The following DCAF6 variants were observed in gnomAD, a reference collection of about 807,000 sequenced individuals.
DCAF6 encodes DDB1 and CUL4 associated factor 6.
Under a neutral mutation model 125.1 loss-of-function variants are expected in DCAF6, and 54 were observed. The observed-to-expected ratio is 0.43, with a 90% confidence interval of 0.35 to 0.54. The LOEUF is 0.54. Among genes scored for constraint, DCAF6 ranks in the 20% least tolerant of loss-of-function variants. DCAF6 has a pLI of 0.01. For synonymous variants in DCAF6, 371 were observed against 390.4 expected (o/e 0.95, Z 0.58); for missense variants, 934 against 1,161.7 (o/e 0.80, Z 2.85).
intron 11 of DCAF6, among the ~76,000 whole-genome samples, chr1:168,016,742 T>G (rs1685026636): frequency 6.6e-6 from 1 of 152,094 alleles, no homozygotes; most frequent in Non-Finnish European, 1.5e-5. Context: ...ATAGATACTG[T>G]AAATCCTATA....
At chr1:167,863,742 C>T in the DCAF6 span, among the ~76,000 whole-genome samples, 15 of 152,180 alleles carry the variant, frequency 9.9e-5, no homozygotes, top group Non-Finnish European at 2.2e-4. Flanking sequence ...TGGGACACCT[C>T]GCCAGAGCAG....
chr1:167,867,300 C>T, the DCAF6 span, among the ~76,000 whole-genome samples: 1 of 152,236 alleles, frequency 6.6e-6, no homozygotes, highest in East Asian at 1.9e-4. Flanking sequence ...CAGTCACACC[C>T]GGAAGCTGAC....
chr1:167,938,952 G>A (rs1671797539), intron 1 of DCAF6, among the ~76,000 whole-genome samples: 1 of 152,134 alleles, frequency 6.6e-6, no homozygotes, highest in Non-Finnish European at 1.5e-5. Context: ...AAATGTGTAT[G>A]TATACATACA....
intron 1 of DCAF6, among the ~76,000 whole-genome samples, chr1:167,942,866 G>A (rs1668978835): frequency 6.6e-6 from 1 of 151,968 alleles, no homozygotes; most frequent in Admixed American, 6.6e-5. Context: ...CTAGCTTCAT[G>A]TCTTTATACC....
rs914838876 is a variant in DCAF6, at chr1:168,039,587, T to C, written c.1727+1099T>C. Among the ~76,000 whole-genome samples, 3 of 148,156 alleles carry C rather than the reference T, an allele frequency of 2.0e-5. No individual in the cohort carries two copies. In the Admixed American group the frequency reaches 2.0e-4, roughly 10 times the overall value. ...AATATATTGATATAGTATTTCTTAA[T>C]ATATAATATAGTTGTATAATATTTG... On this transcript the variant is annotated intron_variant, in intron 13 of 21. Transcript: ENST00000367840.
chr1:167,967,737 T>G (rs1174814462), intron 3 of DCAF6, among the ~76,000 whole-genome samples: 2 of 143,576 alleles, frequency 1.4e-5, no homozygotes, highest in Non-Finnish European at 3.0e-5. Context: ...TTTTTTTTTT[T>G]TTTGTGGCAA....
At chr1:167,929,172 A>G in the DCAF6 span, among the ~76,000 whole-genome samples, 4 of 152,012 alleles carry the variant, frequency 2.6e-5, no homozygotes, top group Non-Finnish European at 4.4e-5. Flanking sequence ...TAGCCTGACC[A>G]ACATGGAGAA....
chr1:167,973,853 A>T (rs1278887360), intron 3 of DCAF6, among the ~76,000 whole-genome samples: 1 of 152,120 alleles, frequency 6.6e-6, no homozygotes, highest in African/African-American at 2.4e-5. Context: ...ATAATCTTTG[A>T]CATTTTTTTT....
At chr1:167,907,185 C>T in the DCAF6 span, among the ~76,000 whole-genome samples, 1 of 152,156 alleles carries the variant, frequency 6.6e-6, no homozygotes, top group South Asian at 2.1e-4. Flanking sequence ...AAGAGATGGG[C>T]TGGAATACCA....
the DCAF6 span, chr1:167,903,802 G>T: frequency 2.1e-6 from 2 of 968,790 alleles, no homozygotes; most frequent in South Asian, 1.3e-5. Context: ...CTAAGCAATT[G>T]TACTCTATCA....
intron 1 of DCAF6, among the ~76,000 whole-genome samples, chr1:167,943,907 C>T (rs1299274581): frequency 4.0e-5 from 6 of 150,874 alleles, no homozygotes; most frequent in African/African-American, 4.9e-5. Context: ...GGTGAGATCT[C>T]GGCTTACTGC....
intron 2 of DCAF6, among the ~76,000 whole-genome samples, 184 bp from the exon 3 acceptor site, chr1:167,966,445 G>C (rs12095271): frequency 0.14 from 21,124 of 152,036 alleles, 1,954 homozygotes; most frequent in African/African-American, 0.26. Context: ...ATGTGTGGCC[G>C]GAGACAATTC....
At chr1:168,049,939 G>A (rs1689682568) in intron 16 of DCAF6, among the ~76,000 whole-genome samples, 10 of 151,124 alleles carry the variant, frequency 6.6e-5, no homozygotes, top group Admixed American at 5.3e-4. Context: ...ACCGGCATGA[G>A]CCACCGCACC....
chr1:167,995,495 C>T (rs1445513619), intron 7 of DCAF6, among the ~76,000 whole-genome samples: 1 of 152,030 alleles, frequency 6.6e-6, no homozygotes, highest in Non-Finnish European at 1.5e-5. Flanking sequence ...ACCTGGCCAA[C>T]ATGGTGAAAC....
chr1:168,001,385 T>A (rs959136187), intron 7 of DCAF6, among the ~76,000 whole-genome samples: 5 of 152,196 alleles, frequency 3.3e-5, no homozygotes, highest in African/African-American at 1.2e-4. Context: ...AGATGCTGTT[T>A]GAGTTGGCAA....
At chr1:167,966,529 C>T in intron 2 of DCAF6, 100 bp from the exon 3 acceptor site, 1 of 768,672 alleles carries the variant, frequency 1.3e-6, no homozygotes, top group Non-Finnish European at 2.3e-6. Context: ...AACGTATAAC[C>T]TCATTAGTGG....
At chr1:167,892,108 G>T in the DCAF6 span, among the ~76,000 whole-genome samples, 16 of 151,750 alleles carry the variant, frequency 1.1e-4, no homozygotes, top group Non-Finnish European at 2.2e-4. Context: ...TAGTAGCTGG[G>T]GCTACAGGCA....
At chr1:167,948,017 G>T (rs1259517982) in intron 1 of DCAF6, among the ~76,000 whole-genome samples, 1 of 151,940 alleles carries the variant, frequency 6.6e-6, no homozygotes, top group African/African-American at 2.4e-5. Context: ...TTTAGGTCTA[G>T]TAATACTTGT....
At chr1:167,962,351 C>T (rs1400243932) in intron 2 of DCAF6, among the ~76,000 whole-genome samples, 1 of 151,572 alleles carries the variant, frequency 6.6e-6, no homozygotes, top group African/African-American at 2.4e-5. Flanking sequence ...CAGTTTTTAT[C>T]TCACATATTT....
Sources: allele counts gnomAD v4.1 joint callset (sites outside exome capture counted in the v4.1 genomes callset), GRCh38; gene constraint gnomAD v4.1.1; transcripts MANE v1.5; gene names NCBI Gene and HGNC (gene_info 2026-07-23, HGNC 2026-07-21).